Variants in SMYD3 observed in about 807,000 individuals in gnomAD.
SMYD3 encodes histone-lysine N-methyltransferase SMYD3.
In SMYD3, 36 loss-of-function variants were observed where a neutral mutation model predicts 57.7. The observed-to-expected ratio is 0.62, with a 90% CI of 0.48 to 0.82. SMYD3 has a LOEUF of 0.82. Among genes scored for constraint, SMYD3 ranks in the 40% least tolerant of loss-of-function variants. SMYD3 has a pLI of 0.00. For synonymous variants in SMYD3, 211 were observed against 195.0 expected (o/e 1.08, Z -0.68); for missense variants, 515 against 538.8 (o/e 0.96, Z 0.44).
chr1:246,330,852 G>A (rs1368198763), intron 3 of SMYD3, among the ~76,000 whole-genome samples: 1 of 152,172 alleles, frequency 6.6e-6, no homozygotes, highest in African/African-American at 2.4e-5. Context: ...AATAGGAAAA[G>A]GTGGGGCATG....
intron 5 of SMYD3, among the ~76,000 whole-genome samples, chr1:246,007,302 T>C (rs2059191781): frequency 6.6e-6 from 1 of 152,094 alleles, no homozygotes. Flanking sequence ...CCATGAAGGA[T>C]GGGATGAGGT....
chr1:246,055,399 G>A (rs1191128111), intron 5 of SMYD3, among the ~76,000 whole-genome samples: 1 of 152,060 alleles, frequency 6.6e-6, no homozygotes, highest in Non-Finnish European at 1.5e-5. Context: ...GGAGTTCAAA[G>A]CCAGCCTAGG....
In SMYD3 at chr1:246,456,661, C is replaced by T. The variant is rs1435476730; in HGVS notation, c.164+50393G>A. On this transcript the variant is annotated intron_variant, in intron 1 of 11. Coordinates refer to ENST00000490107, the MANE Select transcript of SMYD3 (RefSeq NM_001167740.2). Reference sequence around the variant, plus strand: ...TATAACTTATATTTTCCCCATAAGACTGTTTCTTTGTCCTGCTTTGTTTTA... The same window carrying T: ...TATAACTTATATTTTCCCCATAAGATTGTTTCTTTGTCCTGCTTTGTTTTA... Among the ~76,000 whole-genome samples the T allele has an allele frequency of 1.3e-5, 2 of 152,226 alleles. 1 individual carries two copies. Among genetic ancestry groups the T allele is most frequent in the Non-Finnish European group, 2.9e-5 (2 of 68,026 alleles).
At chr1:246,368,558 A>T (rs1293289381) in intron 1 of SMYD3, among the ~76,000 whole-genome samples, 1 of 152,220 alleles carries the variant, frequency 6.6e-6, no homozygotes, top group Non-Finnish European at 1.5e-5. Context: ...TTAATTACCT[A>T]AAAGTCTCTG....
intron 5 of SMYD3, among the ~76,000 whole-genome samples, chr1:246,075,214 A>G (rs2060526541): frequency 6.6e-6 from 1 of 152,208 alleles, no homozygotes; most frequent in Non-Finnish European, 1.5e-5. Context: ...ATCAACAAAG[A>G]ATCTTAAAAA....
chr1:246,172,329 A>C (rs1236590302), intron 5 of SMYD3, among the ~76,000 whole-genome samples: 1 of 151,168 alleles, frequency 6.6e-6, no homozygotes, highest in Non-Finnish European at 1.5e-5. Flanking sequence ...GGCCTAGAAC[A>C]CTCACTGTAC....
intron 8 of SMYD3, among the ~76,000 whole-genome samples, chr1:245,899,369 T>G (rs1355449777): frequency 1.3e-5 from 2 of 152,142 alleles, no homozygotes; most frequent in East Asian, 3.9e-4. Context: ...GCAAACTAAG[T>G]TTATATTCTC....
chr1:246,119,128 C>G (rs2061385149), intron 5 of SMYD3, among the ~76,000 whole-genome samples: 1 of 152,152 alleles, frequency 6.6e-6, no homozygotes, highest in Non-Finnish European at 1.5e-5. Flanking sequence ...TAAAGCCATC[C>G]TCTCGCCTCA....
At chr1:246,252,738 TATAGA>T (rs1300085906) in intron 5 of SMYD3, among the ~76,000 whole-genome samples, 2 of 152,190 alleles carry the variant, frequency 1.3e-5, no homozygotes, top group East Asian at 3.9e-4. Flanking sequence ...TCCCAAAACC[TATAGA>T]ATTTGTGTAT....
At chr1:245,786,333 A>G (rs1173191833) in intron 10 of SMYD3, among the ~76,000 whole-genome samples, 1 of 152,114 alleles carries the variant, frequency 6.6e-6, no homozygotes, top group Non-Finnish European at 1.5e-5. Context: ...TAAGTATGGC[A>G]TCTTTATACA....
intron 1 of SMYD3, among the ~76,000 whole-genome samples, chr1:246,481,867 T>C (rs569374732): frequency 4.7e-4 from 71 of 151,402 alleles, no homozygotes; most frequent in African/African-American, 1.6e-3. Context: ...AAAAATTCCA[T>C]AACTTCTGGC....
chr1:245,856,024 T>C (rs1003315122), intron 10 of SMYD3, among the ~76,000 whole-genome samples: 4 of 152,246 alleles, frequency 2.6e-5, no homozygotes, highest in Non-Finnish European at 5.9e-5. Context: ...AGGGAGCCGA[T>C]GCGGGGGGCT....
intron 1 of SMYD3, among the ~76,000 whole-genome samples, chr1:246,391,727 T>C (rs1316583959): frequency 6.6e-6 from 1 of 151,932 alleles, no homozygotes; most frequent in Admixed American, 6.6e-5. Flanking sequence ...AAAAGCTAAA[T>C]ATGTAAAAAG....
rs41308148 is a variant in SMYD3, at chr1:245,928,048, G to T, written c.600-15C>A. 2.0e-4 allele frequency: 327 copies of T among 1,600,532 alleles called. 1 individual carries two copies. Among genetic ancestry groups the T allele is most frequent in the South Asian group, 5.7e-4 (52 of 90,682 alleles). ...GCAAAGAGATACTGGAAAAAAAAAG[G>T]GGGGAAGACTGTCACAGCTCAGCAG... On this transcript the variant is annotated splice_polypyrimidine_tract_variant and intron_variant, in intron 6 of 11. Coordinates refer to ENST00000490107, the MANE Select transcript of SMYD3 (RefSeq NM_001167740.2).
chr1:246,498,431 G>A (rs1228614439), intron 1 of SMYD3, among the ~76,000 whole-genome samples: 1 of 152,124 alleles, frequency 6.6e-6, no homozygotes, highest in Non-Finnish European at 1.5e-5. Flanking sequence ...ACTAAGAATG[G>A]AAAATAAGAA....
rs570373030 is a variant in SMYD3, at chr1:246,057,754, T to C, written c.532-127817A>G. Among the ~76,000 whole-genome samples, 47 of 152,294 alleles carry C rather than the reference T, an allele frequency of 3.1e-4. 1 individual carries two copies. The highest frequency in any genetic ancestry group is 1.1e-3 in the African/African-American group (45 of 41,562). On this transcript the variant is annotated intron_variant, in intron 5 of 11. Transcript: ENST00000490107. The stretch of plus-strand genomic sequence containing the variant: ...TCCAGAAATCTTACTCCTTGTTATT[T>C]ACCCAAAGGAGTTAAAAACTTATGT...
Position 245,835,992 on chromosome 1 carries a change from G to A in SMYD3, c.1076+22504C>T, listed in dbSNP as rs145099300. ...TCTCTGCTCTCAGAGAGGGTCGAGA[G>A]ACAACAAAGGCTCATTCCTGCCAGA... is the stretch of plus-strand genomic sequence containing the variant. On this transcript the variant is annotated intron_variant, in intron 10 of 11. Coordinates refer to ENST00000490107, the MANE Select transcript of SMYD3 (RefSeq NM_001167740.2). Among the ~76,000 whole-genome samples, 596 of 152,250 alleles carry A rather than the reference G, an allele frequency of 3.9e-3. 3 individuals carry two copies. The highest frequency in any genetic ancestry group is 0.013 in the African/African-American group (546 of 41,538).
chr1:246,499,560 G>T (rs560680549), intron 1 of SMYD3, among the ~76,000 whole-genome samples: 1 of 151,778 alleles, frequency 6.6e-6, no homozygotes, highest in Non-Finnish European at 1.5e-5. Context: ...AGGTGCAAGC[G>T]ATTCTCCTGC....
chr1:246,152,839 AG>A (rs2061963496), intron 5 of SMYD3, among the ~76,000 whole-genome samples: 1 of 151,972 alleles, frequency 6.6e-6, no homozygotes, highest in South Asian at 2.1e-4. Flanking sequence ...TGGTAAAAAT[AG>A]GTAATGATAG....
Sources: gnomAD v4.1 joint callset for allele counts (sites outside exome capture counted in the v4.1 genomes callset) on GRCh38, gnomAD v4.1.1 for gene constraint, MANE v1.5 for transcripts, NCBI Gene and HGNC (gene_info 2026-07-23, HGNC 2026-07-21) for gene names.